Variants in NXNL2 observed in about 807,000 individuals in gnomAD.
NXNL2 encodes the protein nucleoredoxin-like protein 2.
A neutral mutation model predicts 11.1 loss-of-function variants in NXNL2; 7 were observed. The ratio of observed to expected loss-of-function variants is 0.63; its 90% confidence interval spans 0.36 to 1.18. The LOEUF (loss-of-function observed/expected upper bound fraction) is 1.18. Among genes scored for constraint, NXNL2 ranks in the 50% most tolerant of loss-of-function variants. NXNL2 has a pLI of 0.02. For missense variants in NXNL2, 233 were observed against 217.7 expected, an observed-to-expected ratio of 1.07 and a Z score of -0.44; for synonymous variants, 109 against 101.8, an observed-to-expected ratio of 1.07 and a Z score of -0.42.
At chr9:88,538,960 C>T (rs901801173) in intron 1 of NXNL2, among the ~76,000 whole-genome samples, 2 of 152,118 alleles carry the variant, frequency 1.3e-5, no homozygotes, top group African/African-American at 4.8e-5. Context: ...ATGAAGGAGA[C>T]ATGGTTTCCC....
In NXNL2 at chr9:88,535,316, G is replaced by A. The variant is rs1829578859; in HGVS notation, c.-119G>A. On this transcript the variant is annotated 5_prime_UTR_variant, in exon 1 of 2. Coordinates refer to ENST00000375854, the MANE Select transcript of NXNL2 (RefSeq NM_001161625.2). ...GGCGCATCTGGGGCAGGTCTTGAGA[G>A]GTCCAGCGCCCGGTGGTGCGGACAG... 1 of 1,036,130 alleles carries A rather than the reference G, an allele frequency of 9.7e-7. No individual in the cohort carries two copies. The highest frequency in any genetic ancestry group is 1.6e-5 in the African/African-American group (1 of 61,294). The allele number at this position is 1,036,130 out of a possible 1,614,324, so 64.2% of individuals were successfully genotyped here. A position where few individuals can be genotyped will look rare whatever the true frequency, so the allele number is the denominator to read the frequency against.
At chr9:88,582,073 C>T (rs1313991710) in intron 1 of NXNL2, among the ~76,000 whole-genome samples, 3 of 152,204 alleles carry the variant, frequency 2.0e-5, no homozygotes, top group Non-Finnish European at 4.4e-5. Flanking sequence ...TCATTCCTCA[C>T]CTGGCTTCTG....
chr9:88,564,924 T>G (rs1322514153), intron 1 of NXNL2, among the ~76,000 whole-genome samples: 1 of 152,226 alleles, frequency 6.6e-6, no homozygotes, highest in Admixed American at 6.5e-5. Flanking sequence ...AATACAGTAT[T>G]GCCAACTACA....
At position 88,544,773 on chromosome 9, in the gene NXNL2, C is replaced by T; in HGVS notation, c.*226C>T. ...TTATAGTTATTTTTGTTATTCTTTG[C>T]ATACCTTTATCCACCTGTGCTTAAG... On this transcript the variant is annotated 3_prime_UTR_variant, in exon 2 of 2. Coordinates refer to ENST00000375854, the MANE Select transcript of NXNL2 (RefSeq NM_001161625.2). 1 of 1,286,546 alleles carries T rather than the reference C, an allele frequency of 7.8e-7. No homozygotes were observed. The highest frequency in any genetic ancestry group is 9.8e-7 in the Non-Finnish European group (1 of 1,019,914). 79.7% of individuals were successfully genotyped at this position (1,286,546 alleles called of 1,614,324 possible).
intron 1 of NXNL2, among the ~76,000 whole-genome samples, chr9:88,540,432 G>A (rs1231409092): frequency 1.3e-5 from 2 of 150,886 alleles, no homozygotes; most frequent in Non-Finnish European, 3.0e-5. Flanking sequence ...TCATTGACCT[G>A]TCCAGGCTCC....
chr9:88,551,629 C>A (rs181059815), intron 1 of NXNL2, among the ~76,000 whole-genome samples: 2 of 152,284 alleles, frequency 1.3e-5, no homozygotes, highest in Admixed American at 6.5e-5. Flanking sequence ...TTTCTGTTCA[C>A]CCCAAGTGGC....
chr9:88,553,875 A>T (rs2118468285), intron 1 of NXNL2, among the ~76,000 whole-genome samples: 1 of 152,284 alleles, frequency 6.6e-6, no homozygotes, highest in African/African-American at 2.4e-5. Context: ...TCACTTTCTG[A>T]AACAGAAAAG....
chr9:88,549,668 G>T (rs1329822829), downstream of NXNL2, among the ~76,000 whole-genome samples: 1 of 152,154 alleles, frequency 6.6e-6, no homozygotes, highest in Non-Finnish European at 1.5e-5. Flanking sequence ...AGATACCTGA[G>T]ACTGGCTCAT....
intron 1 of NXNL2, among the ~76,000 whole-genome samples, chr9:88,543,420 C>T (rs777826887): frequency 1.3e-5 from 2 of 152,080 alleles, no homozygotes; most frequent in Non-Finnish European, 1.5e-5. Flanking sequence ...GTGCATGCTA[C>T]CACGCCTAGC....
chr9:88,539,981 C>G lies in NXNL2; in HGVS notation c.302+4245C>G, dbSNP rs374967584. Among the ~76,000 whole-genome samples, 13 of 152,166 alleles carry G rather than the reference C, an allele frequency of 8.5e-5. No individual in the cohort carries two copies. In the East Asian group the frequency reaches 2.5e-3, roughly 30 times the overall value. On this transcript the variant is annotated intron_variant, in intron 1 of 1. Transcript: ENST00000375854. ...TACAGGCGTGAGCCACCGCACCTGG[C>G]CACACATTTTTGTTTTATGCCTTTG...
intron 1 of NXNL2, 151 bp downstream of exon 1, chr9:88,535,887 A>C: frequency 3.1e-6 from 2 of 653,912 alleles, no homozygotes; most frequent in African/African-American, 1.9e-5. Context: ...GGTAAATCAC[A>C]CTCAGTCTCA....
At chr9:88,548,200 G>A (rs1256907485), downstream of NXNL2, among the ~76,000 whole-genome samples, 83 of 149,704 alleles carry the variant, frequency 5.5e-4, no homozygotes, top group African/African-American at 2.0e-3. Context: ...TTAGCTGGGC[G>A]TGGTGGCAGG....
intron 1 of NXNL2, among the ~76,000 whole-genome samples, chr9:88,544,119 C>T (rs1587843101): frequency 6.6e-6 from 1 of 151,988 alleles, no homozygotes. Flanking sequence ...TGCAGTGAGC[C>T]GAGATCGCGC....
intron 1 of NXNL2, among the ~76,000 whole-genome samples, chr9:88,582,824 C>T (rs1468794774): frequency 2.6e-5 from 4 of 152,090 alleles, no homozygotes; most frequent in East Asian, 1.9e-4. Flanking sequence ...ATGTGCCCCA[C>T]ACCCAGCTAA....
chr9:88,580,818 C>A (rs1225949984), intron 1 of NXNL2, among the ~76,000 whole-genome samples: 1 of 152,214 alleles, frequency 6.6e-6, no homozygotes, highest in African/African-American at 2.4e-5. Context: ...TTTAAGTCAT[C>A]AAATGTCCTT....
intron 2 of NXNL2, among the ~76,000 whole-genome samples, chr9:88,571,826 G>A (rs925603463): frequency 2.6e-5 from 4 of 152,150 alleles, no homozygotes; most frequent in African/African-American, 4.8e-5. Context: ...GTCCTCCTCA[G>A]AATTGTGCCT....
At chr9:88,581,403 G>A (rs548848838) in intron 1 of NXNL2, among the ~76,000 whole-genome samples, 1 of 151,800 alleles carries the variant, frequency 6.6e-6, no homozygotes, top group African/African-American at 2.4e-5. Context: ...TGGCAATAGT[G>A]AGCATGAGTA....
downstream of NXNL2, among the ~76,000 whole-genome samples, chr9:88,547,398 T>A (rs891135499): frequency 2.0e-5 from 3 of 152,098 alleles, no homozygotes; most frequent in African/African-American, 7.2e-5. Context: ...GGGCAGTCAC[T>A]GAGAGAACAC....
Position 88,583,203 on chromosome 9 carries a change from T to G in NXNL2, n.552-796T>G, listed in dbSNP as rs57713083. ...CTAAGCCTGTGCAGCACTGTTCAAG[T>G]CTCTGCTTCTGCGGCATTTGTTACC... On this transcript the variant is annotated intron_variant and non_coding_transcript_variant, in intron 1 of 1. Transcript: ENST00000478686. Among the ~76,000 whole-genome samples, 315 of 152,318 alleles carry G rather than the reference T, an allele frequency of 2.1e-3. 1 individual carries two copies. The highest frequency in any genetic ancestry group is 6.9e-3 in the African/African-American group (288 of 41,564).
Sources: gnomAD v4.1 joint callset for allele counts (sites outside exome capture counted in the v4.1 genomes callset) on GRCh38, gnomAD v4.1.1 for gene constraint, MANE v1.5 for transcripts, NCBI Gene and HGNC (gene_info 2026-07-23, HGNC 2026-07-21) for gene names.